Variants in ATP8B3 observed in about 807,000 individuals in gnomAD.
ATP8B3 encodes the protein phospholipid-transporting ATPase IK.
Under a neutral mutation model 140.9 loss-of-function variants are expected in ATP8B3, and 141 were observed. That is an observed-to-expected ratio of 1.00 (90% CI 0.87 to 1.15). ATP8B3 has a LOEUF of 1.15. Ranked by LOEUF, ATP8B3 falls within the 50% of genes most tolerant of loss-of-function variation. ATP8B3 has a pLI of 0.00. For missense variants in ATP8B3, 1,874 were observed against 1,740.6 expected, an observed-to-expected ratio of 1.08 and a Z score of -1.36; for synonymous variants, 765 against 714.6, an observed-to-expected ratio of 1.07 and a Z score of -1.13.
rs199577759 is a variant in ATP8B3, at chr19:1,796,735, G to A, written c.1729C>T (p.Arg577Trp). The A allele has an allele frequency of 6.2e-6, 10 of 1,611,378 alleles. No individual in the cohort carries two copies. Among genetic ancestry groups the A allele is most frequent in the African/African-American group, 2.7e-5 (2 of 74,890 alleles). ...LLAICHTVMV[R>W]ESPRERPDQL... ...CCTGGGCGCTCACGGGGGCTCTCCC[G>A]CACCATCACCGTGTGGCAGATGGCC... The change falls in exon 16 of 29, where the codon CGG becomes TGG. Residue 577 changes from arginine (R) to tryptophan (W), a missense_variant. Physicochemically the swap from Arg to Trp is moderately radical, Grantham distance 101 (BLOSUM62 -3). Transcript: ENST00000310127.
At chr19:1,785,858 C>T (rs771994544) in intron 25 of ATP8B3, 150 bp from the exon 26 acceptor site, 67 of 880,072 alleles carry the variant, frequency 7.6e-5, no homozygotes, top group East Asian at 6.9e-4. Flanking sequence ...AGGCCAGGCA[C>T]GGTGGCACAC....
rs1045170495 is a variant in ATP8B3 at position 1,794,073 on chromosome 19, G to T, written c.2055+1802C>A. Among the ~76,000 whole-genome samples, 2 of 152,184 alleles carry T rather than the reference G, an allele frequency of 1.3e-5. No homozygotes were observed. The highest frequency in any genetic ancestry group is 2.9e-5 in the Non-Finnish European group (2 of 68,048). On this transcript the variant is annotated intron_variant, in intron 18 of 28. Transcript: ENST00000310127. This position sits in a 1 kb window ranked among gnomAD's most constrained non-coding sequence, Gnocchi z 4.8. Reference sequence around the variant, plus strand: ...ACAGGGGTCTCGCCCTGTCGCCCAGGCTGGAGTGCAGTGGTGCGATCACAG... The same window carrying T: ...ACAGGGGTCTCGCCCTGTCGCCCAGTCTGGAGTGCAGTGGTGCGATCACAG...
Position 1,802,584 on chromosome 19 carries a change from C to T in ATP8B3, c.966G>A (p.Trp322Ter), listed in dbSNP as rs772164901. Residue 322 changes from tryptophan to a stop codon, truncating the protein, a stop_gained, in exon 11 of 29, where the codon TGG becomes TGA. Transcript: ENST00000310127. LOFTEE classifies it high-confidence loss of function. The stretch of plus-strand genomic sequence containing the variant: ...TGTCCAGGGAGTATTTCTTGTCATT[C>T]CATTCCAGGCACCCCACGAAGTGGT... ...RMHHFVGCLE[W>*]NDKKYSLDIG... The T allele has an allele frequency of 6.2e-6, 10 of 1,611,668 alleles. No individual in the cohort carries two copies. Among genetic ancestry groups the T allele is most frequent in the Admixed American group, 1.7e-5 (1 of 59,878 alleles).
At position 1,805,361 on chromosome 19, in the gene ATP8B3, C is replaced by A; in HGVS notation, c.904+13G>T. The stretch of plus-strand genomic sequence containing the variant: ...GATTCGAGGGACGTGACTCCCTGCT[C>A]AACGCCTCTCACCTTGAAAGGACGC... On this transcript the variant is annotated intron_variant, in intron 10 of 28. Transcript: ENST00000310127. This position sits in a 1 kb window ranked among gnomAD's most constrained non-coding sequence, Gnocchi z 5.2. The A allele has an allele frequency of 6.4e-7, 1 of 1,555,046 alleles. No homozygotes were observed. Among genetic ancestry groups the A allele is most frequent in the South Asian group, 1.2e-5 (1 of 84,670 alleles).
intron 14 of ATP8B3, 39 bp from the exon 15 acceptor site, chr19:1,797,044 G>GC (rs777163315): frequency 1.2e-4 from 192 of 1,612,484 alleles, no homozygotes; most frequent in African/African-American, 2.7e-5. Flanking sequence ...GCTCCCACAG[G>GC]CCCCCCATTC....
rs1340105430 is a variant in ATP8B3, at chr19:1,783,300, C to A, written c.3661-30G>T. 3.8e-6 allele frequency: 6 copies of A among 1,595,938 alleles called. No homozygotes were observed. The African/African-American group carries it at 5.4e-5, about 14-fold the overall frequency. On this transcript the variant is annotated intron_variant, in intron 28 of 28. Transcript: ENST00000310127. Reference sequence around the variant, plus strand: ...AGAGCAAAGGGGAGAGCAGGGGAAGCAGACTCCTATGCTTGGCTGATGGCT... The same window carrying A: ...AGAGCAAAGGGGAGAGCAGGGGAAGAAGACTCCTATGCTTGGCTGATGGCT...
chr19:1,807,184 T>C lies in ATP8B3; in HGVS notation c.599A>G (p.Asp200Gly), dbSNP rs1383502209. The C allele has an allele frequency of 6.2e-7, 1 of 1,611,134 alleles. No homozygotes were observed. The highest frequency in any genetic ancestry group is 8.5e-7 in the Non-Finnish European group (1 of 1,179,028). The change falls in exon 6 of 29, where the codon GAC becomes GGC. Residue 200 changes from aspartate (D) to glycine (G), a missense_variant. This residue lies in a region of ATP8B3 where 1,032 missense variants were observed against 963.6 expected (regional missense o/e 1.07). Transcript: ENST00000310127. This position sits in a 1 kb window ranked among gnomAD's most constrained non-coding sequence, Gnocchi z 5.9. ...VCLLFIRATR[D>G]LVDDMGRHKS... ...AGCACTCACCATGTCGTCCACCAGG[T>C]CCCGGGTGGCACGGATGAAGAGGAG... is the stretch of plus-strand genomic sequence containing the variant.
rs1180312543 is a variant in ATP8B3 at position 1,800,173 on chromosome 19, G to A, written c.1344-18C>T. On this transcript the variant is annotated intron_variant, in intron 13 of 28. Coordinates refer to ENST00000310127, the MANE Select transcript of ATP8B3 (RefSeq NM_138813.4). The surrounding 1 kb of genome is among the most constrained non-coding windows in gnomAD (Gnocchi z 4.4). ...ACTCGGACCTGCAGAGGCACTCAGG[G>A]TCACGGTCAGCCCCGCCTGCTGTGT... 3.2e-6 allele frequency: 5 copies of A among 1,564,490 alleles called. No individual in the cohort carries two copies. Among genetic ancestry groups the A allele is most frequent in the Non-Finnish European group, 4.3e-6 (5 of 1,154,136 alleles).
At chr19:1,789,862 C>G (rs761153304) in intron 22 of ATP8B3, 28 bp downstream of exon 22, 1 of 1,608,710 alleles carries the variant, frequency 6.2e-7, no homozygotes, top group Non-Finnish European at 8.5e-7. Flanking sequence ...GCGCCGGGAC[C>G]CCGCCGTCCA....
intron 11 of ATP8B3, 80 bp downstream of exon 11, chr19:1,802,407 A>AACCCCCCCCCCCCCCCCCCCC: frequency 1.6e-5 from 5 of 318,100 alleles, no homozygotes; most frequent in Non-Finnish European, 3.0e-5. Flanking sequence ...CCACCCACCT[A>AACCCCCCCCCCCCCCCCCCCC]CCCACCCACC....
At chr19:1,811,063 C>A (rs747818798) in intron 2 of ATP8B3, among the ~76,000 whole-genome samples, 1 of 152,246 alleles carries the variant, frequency 6.6e-6, no homozygotes, top group Non-Finnish European at 1.5e-5. Context: ...ACCACTCTCA[C>A]CTCCTCCTGG....
In ATP8B3 at chr19:1,805,246, A is replaced by G; in HGVS notation, c.904+128T>C. On this transcript the variant is annotated intron_variant, in intron 10 of 28. Transcript: ENST00000310127. The surrounding 1 kb of genome is among the most constrained non-coding windows in gnomAD (Gnocchi z 5.2). ...TGCCTCAGCCTCCCAAAGTGCTGGGATTCCAGGTGTGAGCCACTGGGCCTG... is the reference window on the plus strand; with the variant it reads ...TGCCTCAGCCTCCCAAAGTGCTGGGGTTCCAGGTGTGAGCCACTGGGCCTG... The G allele has an allele frequency of 3.3e-6, 3 of 896,576 alleles. No homozygotes were observed. Among genetic ancestry groups the G allele is most frequent in the Non-Finnish European group, 5.4e-6 (3 of 559,948 alleles). The allele number at this position is 896,576 out of a possible 1,614,324, so 55.5% of individuals were successfully genotyped here.
chr19:1,785,420 C>T, intron 26 of ATP8B3, 49 bp downstream of exon 26: 1 of 1,590,968 alleles, frequency 6.3e-7, no homozygotes, highest in Non-Finnish European at 8.6e-7. Context: ...GGGGAGGAGG[C>T]CTCCATAGGC....
intron 24 of ATP8B3, among the ~76,000 whole-genome samples, chr19:1,787,423 T>A (rs1310775833): frequency 6.6e-6 from 1 of 152,076 alleles, no homozygotes; most frequent in Admixed American, 6.6e-5. Context: ...TTGTTTTAAT[T>A]GGATGGCATC....
chr19:1,797,325 G>A (rs2068711756), intron 14 of ATP8B3, among the ~76,000 whole-genome samples: 1 of 150,396 alleles, frequency 6.6e-6, no homozygotes, highest in Admixed American at 6.6e-5. Flanking sequence ...ATGCGGGCTA[G>A]GGACCCCAAA....
At position 1,784,934 on chromosome 19, in the gene ATP8B3, C is replaced by T; in HGVS notation, c.3545G>A (p.Ser1182Asn). Residue 1182 changes from serine (S) to asparagine (N), a missense_variant, in exon 28 of 29, where the codon AGC becomes AAC. By Grantham distance (46) the Ser-to-Asn change is conservative (BLOSUM62 1). Around this residue, in one of 3 missense-constraint regions of ATP8B3, gnomAD observed 840 missense variants for 760.9 expected, o/e 1.10. Coordinates refer to ENST00000310127, the MANE Select transcript of ATP8B3 (RefSeq NM_138813.4). ...CAGGATGGAGGGAGAGGACATCACG[C>T]TGAGGTCGGCATCTGGGGACAGGGC... ...TTFPFLYADL[S>N]VMSSPSILLV... 1 of 1,610,558 alleles carries T rather than the reference C, an allele frequency of 6.2e-7. No individual in the cohort carries two copies. The highest frequency in any genetic ancestry group is 8.5e-7 in the Non-Finnish European group (1 of 1,178,392).
At chr19:1,793,718 T>G (rs536026206) in intron 18 of ATP8B3, among the ~76,000 whole-genome samples, 34 of 152,170 alleles carry the variant, frequency 2.2e-4, no homozygotes, top group Non-Finnish European at 4.3e-4. Context: ...TGGCCTTAGG[T>G]CTCAAATTTG....
chr19:1,787,154 G>T lies in ATP8B3; in HGVS notation c.3102C>A (p.Phe1034Leu). The change falls in exon 25 of 29, where the codon TTC becomes TTA. Residue 1034 changes from phenylalanine (F) to leucine (L), a missense_variant. Transcript: ENST00000310127. ...CTGGCAGGGTGCTGTACAGGAGGTT[G>T]AAAAGAGCCAGGAACCATCCTTCAT... ...PLYEGWFLAL[F>L]NLLYSTLPVL... 6.2e-7 allele frequency: 1 copy of T among 1,611,302 alleles called. No homozygotes were observed.
chr19:1,811,352 G>T, intron 2 of ATP8B3, 137 bp downstream of exon 2: 1 of 1,256,232 alleles, frequency 8.0e-7, no homozygotes, highest in Non-Finnish European at 1.1e-6. Flanking sequence ...CGGGGGCCCT[G>T]GTTTGGCCCC....
Sources: gnomAD v4.1 joint callset for allele counts (sites outside exome capture counted in the v4.1 genomes callset) on GRCh38, gnomAD v4.1.1 for gene constraint, gnomAD v4.1.1 regional missense constraint, Gnocchi (gnomAD v3.1) non-coding constraint, MANE v1.5 for transcripts, NCBI Gene and HGNC (gene_info 2026-07-23, HGNC 2026-07-21) for gene names.